Variants in TRPM3 observed in about 807,000 individuals in gnomAD.
The protein encoded by TRPM3 is long transient receptor potential channel 3.
In TRPM3, 77 loss-of-function variants were observed where a neutral mutation model predicts 181.2. That is an observed-to-expected ratio of 0.42 (90% CI 0.35 to 0.51). The LOEUF is 0.51. TRPM3 is among the 20% of genes least tolerant of loss of function. The probability of loss-of-function intolerance (pLI) is 0.01; values close to 1 mark genes in which losing one functional copy is unlikely to be tolerated. For missense variants in TRPM3, 1,759 were observed against 2,196.7 expected, an observed-to-expected ratio of 0.80 and a Z score of 3.98; for synonymous variants, 745 against 796.4, an observed-to-expected ratio of 0.94 and a Z score of 1.09.
At chr9:71,429,999 T>C (rs1367282114) in intron 1 of TRPM3, among the ~76,000 whole-genome samples, 2 of 152,188 alleles carry the variant, frequency 1.3e-5, no homozygotes, top group East Asian at 1.9e-4. Context: ...AACAATCAGA[T>C]AGCCTTTCTC....
At chr9:70,551,655 T>C (rs569176969) in intron 24 of TRPM3, among the ~76,000 whole-genome samples, 17 of 152,306 alleles carry the variant, frequency 1.1e-4, no homozygotes, top group African/African-American at 4.1e-4. Flanking sequence ...TCATGCTGTA[T>C]TGTAAATTAT....
In TRPM3 at chr9:71,018,633, C is replaced by T. The variant is rs535232757; in HGVS notation, c.177+102545G>A. On this transcript the variant is annotated intron_variant, in intron 1 of 25. Coordinates refer to ENST00000677713, the MANE Select transcript of TRPM3 (RefSeq NM_001366145.2). Reference sequence around the variant, plus strand: ...ATAAAAAACAGTAAAGTATGAAAATCCTATACCTTTTTAAGAAATTTCATC... The same window carrying T: ...ATAAAAAACAGTAAAGTATGAAAATTCTATACCTTTTTAAGAAATTTCATC... 2.0e-5 allele frequency among the ~76,000 whole-genome samples: 3 copies of T among 151,736 alleles called. No homozygotes were observed. In the South Asian group the frequency reaches 6.2e-4, roughly 32 times the overall value.
intron 1 of TRPM3, among the ~76,000 whole-genome samples, chr9:70,964,439 G>A (rs1440057460): frequency 4.6e-5 from 7 of 152,080 alleles, no homozygotes; most frequent in African/African-American, 1.7e-4. Context: ...AACAATCTCA[G>A]TATCATTGCT....
At chr9:70,633,926 A>G in intron 12 of TRPM3, among the ~76,000 whole-genome samples, 1 of 152,166 alleles carries the variant, frequency 6.6e-6, no homozygotes. Flanking sequence ...GGGCAGTGCC[A>G]TCTTCTGTTT....
chr9:71,011,939 C>T (rs903404794), intron 1 of TRPM3, among the ~76,000 whole-genome samples: 1 of 151,728 alleles, frequency 6.6e-6, no homozygotes, highest in South Asian at 2.1e-4. Flanking sequence ...CACCACCATG[C>T]CTGGCTAATT....
At chr9:71,182,000 T>C (rs952523023) in intron 1 of TRPM3, among the ~76,000 whole-genome samples, 6 of 152,148 alleles carry the variant, frequency 3.9e-5, no homozygotes, top group African/African-American at 1.4e-4. Flanking sequence ...GGGTCATTGT[T>C]AGGCATGTTA....
chr9:70,863,576 T>C (rs551232545), intron 2 of TRPM3, among the ~76,000 whole-genome samples: 1 of 152,274 alleles, frequency 6.6e-6, no homozygotes, highest in Non-Finnish European at 1.5e-5. Context: ...CTCTTCCCAA[T>C]TGACATTTGC....
At chr9:70,623,781 TA>T (rs2064015217) in intron 14 of TRPM3, among the ~76,000 whole-genome samples, 2 of 152,334 alleles carry the variant, frequency 1.3e-5, no homozygotes, top group Non-Finnish European at 2.9e-5. Context: ...AGTATGCCCC[TA>T]AAATAGTTCT....
chr9:71,240,900 G>A (rs1185680022), intron 1 of TRPM3, among the ~76,000 whole-genome samples: 2 of 152,112 alleles, frequency 1.3e-5, no homozygotes, highest in African/African-American at 4.8e-5. Flanking sequence ...TTGGCTCCTT[G>A]TAGGATACCA....
At chr9:71,233,038 C>T (rs2081161400) in intron 1 of TRPM3, among the ~76,000 whole-genome samples, 1 of 152,110 alleles carries the variant, frequency 6.6e-6, no homozygotes, top group Non-Finnish European at 1.5e-5. Context: ...CCGACTTCTG[C>T]TAGGGTTTGA....
At chr9:71,199,617 A>G (rs1358965018) in intron 1 of TRPM3, among the ~76,000 whole-genome samples, 13 of 152,268 alleles carry the variant, frequency 8.5e-5, no homozygotes, top group Admixed American at 4.6e-4. Context: ...TGTATGTGTC[A>G]AGGAATTTAT....
intron 1 of TRPM3, among the ~76,000 whole-genome samples, chr9:71,355,375 C>A (rs1039717829): frequency 1.3e-5 from 2 of 152,070 alleles, no homozygotes; most frequent in Non-Finnish European, 2.9e-5. Context: ...CATGTAAAGA[C>A]AGAGGCAAAA....
chr9:71,030,629 T>G (rs540638685), intron 1 of TRPM3, among the ~76,000 whole-genome samples: 1 of 152,030 alleles, frequency 6.6e-6, no homozygotes, highest in East Asian at 1.9e-4. Context: ...AATCAGATGC[T>G]AAATGACATT....
chr9:70,987,049 C>T (rs2097428671), intron 1 of TRPM3, among the ~76,000 whole-genome samples: 1 of 151,680 alleles, frequency 6.6e-6, no homozygotes, highest in South Asian at 2.1e-4. Context: ...AATTAATTTA[C>T]ATTTACATTT....
chr9:71,182,084 T>C (rs2077438174), intron 1 of TRPM3, among the ~76,000 whole-genome samples: 1 of 152,178 alleles, frequency 6.6e-6, no homozygotes, highest in African/African-American at 2.4e-5. Context: ...ATGTCTTGTT[T>C]TTTTTATATG....
intron 1 of TRPM3, among the ~76,000 whole-genome samples, chr9:70,967,817 C>T (rs946882357): frequency 1.3e-5 from 2 of 152,012 alleles, no homozygotes; most frequent in African/African-American, 4.8e-5. Context: ...TATCATAAAA[C>T]CTTTCTCTTG....
intron 1 of TRPM3, among the ~76,000 whole-genome samples, chr9:71,371,196 C>T (rs1319101521): frequency 6.6e-6 from 1 of 152,146 alleles, no homozygotes; most frequent in Non-Finnish European, 1.5e-5. Context: ...CATTCTGCAG[C>T]CCATGGATCA....
At chr9:71,072,741 C>A (rs900024451) in intron 1 of TRPM3, among the ~76,000 whole-genome samples, 53 of 152,166 alleles carry the variant, frequency 3.5e-4, no homozygotes, top group Admixed American at 3.5e-3. Context: ...GAGTAAACAG[C>A]AAACTGCTCT....
At chr9:70,673,215 G>C (rs941406993) in intron 9 of TRPM3, among the ~76,000 whole-genome samples, 5 of 152,086 alleles carry the variant, frequency 3.3e-5, no homozygotes, top group African/African-American at 1.2e-4. Flanking sequence ...GGATGAGGTA[G>C]TAATAAGAGG....
Sources: allele counts gnomAD v4.1 joint callset (sites outside exome capture counted in the v4.1 genomes callset), GRCh38; gene constraint gnomAD v4.1.1; transcripts MANE v1.5; gene names NCBI Gene and HGNC (gene_info 2026-07-23, HGNC 2026-07-21).